The following ATOSA variants were observed in gnomAD, a reference collection of about 807,000 sequenced individuals.
ATOSA encodes atos homolog A, also known as atos homolog protein A.
chr15:52,673,451 C>A, the ATOSA span, among the ~76,000 whole-genome samples: 4 of 152,328 alleles, frequency 2.6e-5, no homozygotes, highest in East Asian at 5.8e-4. Context: ...GGGTAAGTTA[C>A]CAAACTTCTC....
the ATOSA span, among the ~76,000 whole-genome samples, chr15:52,663,567 C>T: frequency 4.0e-5 from 6 of 151,866 alleles, no homozygotes; most frequent in African/African-American, 1.2e-4. Flanking sequence ...GCAAGATAAA[C>T]TAAGAGTTGT....
At chr15:52,704,915 A>G in the ATOSA span, among the ~76,000 whole-genome samples, 2 of 152,204 alleles carry the variant, frequency 1.3e-5, no homozygotes, top group Non-Finnish European at 2.9e-5. Context: ...GGGAGTGTAA[A>G]TTAATTCAAC....
At chr15:52,582,906 G>T in the ATOSA span, among the ~76,000 whole-genome samples, 1 of 152,216 alleles carries the variant, frequency 6.6e-6, no homozygotes, top group Non-Finnish European at 1.5e-5. Flanking sequence ...GTAATACAGT[G>T]CAGGGATTTG....
chr15:52,619,884 T>C, the ATOSA span, among the ~76,000 whole-genome samples: 9 of 150,736 alleles, frequency 6.0e-5, no homozygotes, highest in African/African-American at 2.2e-4. Flanking sequence ...ACATAAAATA[T>C]AATATTGAAG....
chr15:52,611,521 T>A, the ATOSA span: 3 of 1,540,822 alleles, frequency 1.9e-6, no homozygotes, highest in African/African-American at 2.7e-5. Flanking sequence ...TTATAAGAAG[T>A]AATGGAAAAC....
At chr15:52,587,731 T>C in the ATOSA span, 1 of 152,560 alleles carries the variant, frequency 6.6e-6, no homozygotes, top group Admixed American at 6.5e-5. Flanking sequence ...AGTCTGTAGT[T>C]CCTGCCTGGT....
the ATOSA span, among the ~76,000 whole-genome samples, chr15:52,668,678 T>A: frequency 7.2e-5 from 11 of 152,078 alleles, no homozygotes; most frequent in Admixed American, 7.2e-4. Flanking sequence ...CATAAATATA[T>A]ACAATTGCAA....
the ATOSA span, among the ~76,000 whole-genome samples, chr15:52,618,112 C>A: frequency 2.6e-4 from 39 of 152,136 alleles, no homozygotes; most frequent in African/African-American, 9.4e-4. Flanking sequence ...AATCTCAGCT[C>A]ACTGCAAGCT....
At chr15:52,666,009 C>A in the ATOSA span, among the ~76,000 whole-genome samples, 2 of 152,068 alleles carry the variant, frequency 1.3e-5, no homozygotes, top group Admixed American at 1.3e-4. Flanking sequence ...CGTACATTTA[C>A]AGACTAGAAG....
chr15:52,635,514 A>T, the ATOSA span, among the ~76,000 whole-genome samples: 1 of 151,840 alleles, frequency 6.6e-6, no homozygotes, highest in African/African-American at 2.4e-5. Flanking sequence ...ACAACAAAAT[A>T]AGATCCCTGC....
At chr15:52,701,079 A>G in the ATOSA span, among the ~76,000 whole-genome samples, 1 of 152,248 alleles carries the variant, frequency 6.6e-6, no homozygotes, top group Non-Finnish European at 1.5e-5. Context: ...GACTATTCCT[A>G]TCACATAATT....
At chr15:52,654,147 T>TCATAC in the ATOSA span, among the ~76,000 whole-genome samples, 31 of 151,954 alleles carry the variant, frequency 2.0e-4, 1 homozygote, top group East Asian at 5.4e-3. Flanking sequence ...GGTAGTGATA[T>TCATAC]ATCTATAATA....
At chr15:52,604,989 A>T in the ATOSA span, 1 of 590,408 alleles carries the variant, frequency 1.7e-6, no homozygotes, top group Non-Finnish European at 2.9e-6. Flanking sequence ...TAGCTGTAAA[A>T]TGTGTTATCA....
chr15:52,596,768 G>A, the ATOSA span, among the ~76,000 whole-genome samples: 1 of 152,062 alleles, frequency 6.6e-6, no homozygotes, highest in Non-Finnish European at 1.5e-5. Context: ...AGAAGCCTTG[G>A]GCTAGGCAAT....
chr15:52,637,873 T>A, the ATOSA span, among the ~76,000 whole-genome samples: 2 of 152,226 alleles, frequency 1.3e-5, no homozygotes. Flanking sequence ...CATTCACTCC[T>A]ATATCCTGAA....
At chr15:52,628,724 A>G in the ATOSA span, among the ~76,000 whole-genome samples, 2 of 152,174 alleles carry the variant, frequency 1.3e-5, no homozygotes, top group Non-Finnish European at 2.9e-5. Flanking sequence ...AAAGAAATGA[A>G]TATGTCATGT....
chr15:52,706,314 T>C, the ATOSA span, among the ~76,000 whole-genome samples: 1 of 152,216 alleles, frequency 6.6e-6, no homozygotes, highest in African/African-American at 2.4e-5. Context: ...AACCAATTTG[T>C]GAACACAGGA....
the ATOSA span, among the ~76,000 whole-genome samples, chr15:52,637,891 A>G: frequency 2.6e-5 from 4 of 152,320 alleles, no homozygotes; most frequent in African/African-American, 9.6e-5. Context: ...GAATACCTGA[A>G]TATTAGGATT....
chr15:52,683,493 T>C, the ATOSA span, among the ~76,000 whole-genome samples: 1 of 152,246 alleles, frequency 6.6e-6, no homozygotes, highest in Non-Finnish European at 1.5e-5. Context: ...ATATAAGCTC[T>C]AAATCAAACA....
Sources: gnomAD v4.1 joint callset for allele counts (sites outside exome capture counted in the v4.1 genomes callset) on GRCh38, gnomAD v4.1.1 for gene constraint, MANE v1.5 for transcripts, NCBI Gene and HGNC (gene_info 2026-07-23, HGNC 2026-07-21) for gene names.